BBS9: variants seen among roughly 807,000 people sequenced by gnomAD.
The protein encoded by BBS9 is protein PTHB1.
In BBS9, 89 loss-of-function variants were observed where a neutral mutation model predicts 117.7. That is an observed-to-expected ratio of 0.76 (90% CI 0.64 to 0.90). The LOEUF (loss-of-function observed/expected upper bound fraction) is 0.90, where lower values mean the gene tolerates loss of function less well. Among genes scored for constraint, BBS9 ranks in the 40% least tolerant of loss-of-function variants. BBS9 has a pLI of 0.00. For synonymous variants in BBS9, 379 were observed against 370.9 expected (o/e 1.02, Z -0.25); for missense variants, 982 against 1,042.2 (o/e 0.94, Z 0.80).
chr7:33,334,684 G>A (rs889924181), intron 9 of BBS9, among the ~76,000 whole-genome samples: 7 of 152,088 alleles, frequency 4.6e-5, no homozygotes, highest in Non-Finnish European at 8.8e-5. Flanking sequence ...TTTTCTGAGG[G>A]GTAGATGGCA....
rs199596294 is a variant in BBS9, at chr7:33,550,634, TA to T, written c.2521+16469del. Among the ~76,000 whole-genome samples the T allele has an allele frequency of 4.3e-3, 643 of 148,368 alleles. 7 individuals are homozygous for T. Among genetic ancestry groups the T allele is most frequent in the African/African-American group, 0.014 (587 of 40,768 alleles). On this transcript the variant is annotated intron_variant, in intron 21 of 22. Transcript: ENST00000242067. ...AAGCCAGATCTATGCTGCCAACCTT[TA>T]AAAAAAAAAATCTTTTCATACTGAA...
chr7:33,156,204 T>C (rs17169913), intron 4 of BBS9, among the ~76,000 whole-genome samples: 22,364 of 152,174 alleles, frequency 0.15, 1,940 homozygotes, highest in South Asian at 0.21. Flanking sequence ...TGGGTACAAG[T>C]ATAGTGTGCG....
chr7:33,502,712 C>T (rs894392070), intron 19 of BBS9, among the ~76,000 whole-genome samples: 4 of 152,164 alleles, frequency 2.6e-5, no homozygotes, highest in Admixed American at 6.5e-5. Context: ...AGGCCCCCTA[C>T]ACTCAGCTAG....
intron 20 of BBS9, among the ~76,000 whole-genome samples, chr7:33,527,607 C>T (rs554643821): frequency 2.6e-5 from 4 of 152,186 alleles, no homozygotes; most frequent in Non-Finnish European, 5.9e-5. Context: ...TGCTTCGGCT[C>T]GCGCACGGTG....
At chr7:33,325,084 A>T (rs138314403) in intron 9 of BBS9, among the ~76,000 whole-genome samples, 32 of 152,196 alleles carry the variant, frequency 2.1e-4, no homozygotes, top group African/African-American at 7.7e-4. Flanking sequence ...CTTTGTCTCT[A>T]CCTGCTCTTT....
In BBS9 at chr7:33,282,393, G is replaced by A. The variant is rs1345026977; in HGVS notation, c.1016+8437G>A. Among the ~76,000 whole-genome samples the A allele has an allele frequency of 2.6e-5, 4 of 151,978 alleles. No individual in the cohort carries two copies. The East Asian group carries it at 5.8e-4, about 22-fold the overall frequency. ...AATTTTATTTTTAATTTTTTTTTAAGATGGAGTCTCACTCTGTTGCCCAGA... is the reference window on the plus strand; with the variant it reads ...AATTTTATTTTTAATTTTTTTTTAAAATGGAGTCTCACTCTGTTGCCCAGA... On this transcript the variant is annotated intron_variant, in intron 9 of 22. Coordinates refer to ENST00000242067, the MANE Select transcript of BBS9 (RefSeq NM_198428.3).
chr7:33,607,564 A>G (rs1027820702), downstream of BBS9, among the ~76,000 whole-genome samples: 3 of 152,142 alleles, frequency 2.0e-5, no homozygotes, highest in Admixed American at 6.6e-5. Context: ...CAAAATCTAT[A>G]CAAATATTTA....
chr7:33,454,108 T>C (rs1300188854), intron 19 of BBS9, among the ~76,000 whole-genome samples: 1 of 152,182 alleles, frequency 6.6e-6, no homozygotes, highest in African/African-American at 2.4e-5. Context: ...GGGTGAGTGC[T>C]GCCTCTGGTC....
intron 17 of BBS9, among the ~76,000 whole-genome samples, chr7:33,373,761 G>C (rs1338370113): frequency 6.6e-6 from 1 of 152,148 alleles, no homozygotes; most frequent in African/African-American, 2.4e-5. Context: ...TGATTGAATT[G>C]AATAAGGTCA....
At chr7:33,290,336 A>G (rs1803773391) in intron 9 of BBS9, among the ~76,000 whole-genome samples, 1 of 152,190 alleles carries the variant, frequency 6.6e-6, no homozygotes, top group Non-Finnish European at 1.5e-5. Flanking sequence ...TTATATGGAG[A>G]CAATATCCAG....
chr7:33,520,520 G>C (rs965760698), intron 20 of BBS9, among the ~76,000 whole-genome samples: 2 of 152,082 alleles, frequency 1.3e-5, no homozygotes, highest in Non-Finnish European at 2.9e-5. Context: ...TTACTGATGA[G>C]GGAACTGAGA....
At chr7:33,623,484 T>C (rs1183296868) in intron 21 of BBS9, among the ~76,000 whole-genome samples, 1 of 152,154 alleles carries the variant, frequency 6.6e-6, no homozygotes, top group Non-Finnish European at 1.5e-5. Flanking sequence ...TTAGTAAAGT[T>C]GCACGTGCAC....
At chr7:33,303,517 T>TCACCCC (rs1806949431) in intron 9 of BBS9, among the ~76,000 whole-genome samples, 1 of 66,356 alleles carries the variant, frequency 1.5e-5, no homozygotes, top group African/African-American at 6.5e-5. Flanking sequence ...ACTGAAATGA[T>TCACCCC]CCCCTCCCCC....
At chr7:33,587,169 G>C (rs1409408632) in intron 21 of BBS9, among the ~76,000 whole-genome samples, 2 of 152,060 alleles carry the variant, frequency 1.3e-5, no homozygotes, top group Non-Finnish European at 2.9e-5. Flanking sequence ...AGCTCTCTCA[G>C]CTCAGTATTT....
chr7:33,141,892 G>T (rs965693069), intron 1 of BBS9, among the ~76,000 whole-genome samples: 8 of 151,660 alleles, frequency 5.3e-5, no homozygotes, highest in Non-Finnish European at 8.8e-5. Flanking sequence ...TCAGCATAAT[G>T]CTCTTGCAGT....
rs140882212 is a variant in BBS9, at chr7:33,505,641, A to G, written c.2294A>G (p.Glu765Gly). ...AFLPLQEDTQ[E>G]LGWEETVDAA... ...CTGCCGCTACAAGAAGACACTCAAG[A>G]ATTGGTAAGGACCTGAAAGCCTGTG... Residue 765 changes from glutamate (E) to glycine (G), a missense_variant, in exon 20 of 23, where the codon GAA (glutamate) becomes GGA (glycine). Coordinates refer to ENST00000242067, the MANE Select transcript of BBS9 (RefSeq NM_198428.3). The G allele has an allele frequency of 8.5e-5, 137 of 1,613,334 alleles. 2 individuals carry two copies. In the African/African-American group the frequency reaches 1.4e-3, roughly 16 times the overall value.
In BBS9 at chr7:33,129,565, A is replaced by C. The variant is rs967850959; in HGVS notation, c.-488A>C. On this transcript the variant is annotated 5_prime_UTR_variant, in exon 1 of 23. Coordinates refer to ENST00000242067, the MANE Select transcript of BBS9 (RefSeq NM_198428.3). ...AGTGGCGTCCGTTGTAAGTGCTATG[A>C]CAACAGGGCGAAGATGGCTCAGAGT... is the stretch of plus-strand genomic sequence containing the variant. The C allele has an allele frequency of 6.4e-6, 1 of 157,146 alleles. No individual in the cohort carries two copies. The highest frequency in any genetic ancestry group is 2.4e-5 in the African/African-American group (1 of 41,620). 9.7% of individuals were successfully genotyped at this position (157,146 alleles called of 1,614,324 possible).
At chr7:33,210,015 A>T (rs1787714005) in intron 5 of BBS9, among the ~76,000 whole-genome samples, 1 of 151,900 alleles carries the variant, frequency 6.6e-6, no homozygotes, top group South Asian at 2.1e-4. Flanking sequence ...TTCTTTTTTG[A>T]TGTAGGCACT....
At chr7:33,369,331 C>T (rs1168041483) in intron 17 of BBS9, among the ~76,000 whole-genome samples, 6 of 152,060 alleles carry the variant, frequency 3.9e-5, no homozygotes, top group African/African-American at 1.4e-4. Context: ...AAAATTTTTG[C>T]AAATGAATAT....
Sources: allele counts gnomAD v4.1 joint callset (sites outside exome capture counted in the v4.1 genomes callset), GRCh38; gene constraint gnomAD v4.1.1; transcripts MANE v1.5; gene names NCBI Gene and HGNC (gene_info 2026-07-23, HGNC 2026-07-21).